The following RAB4B variants were observed in gnomAD, a reference collection of about 807,000 sequenced individuals.
RAB4B encodes RAB4B, member RAS oncogene family.
In RAB4B, 15 loss-of-function variants were observed where a neutral mutation model predicts 28.3. The observed-to-expected ratio is 0.53, with a 90% CI of 0.35 to 0.82. The LOEUF is 0.82. RAB4B is among the 40% of genes least tolerant of loss of function. The pLI is 0.01. For missense variants in RAB4B, 244 were observed against 288.5 expected (o/e 0.85, Z 1.12); for synonymous variants, 108 against 116.3 (o/e 0.93, Z 0.46).
intron 3 of RAB4B, among the ~76,000 whole-genome samples, chr19:40,781,803 C>CCT (rs2083051000): frequency 6.6e-6 from 1 of 151,852 alleles, no homozygotes. Flanking sequence ...GGGCGGATCA[C>CCT]GAGGTCAGGA....
In RAB4B at chr19:40,786,836, C is replaced by T; in HGVS notation, c.527-12C>T. 6.2e-7 allele frequency: 1 copy of T among 1,614,146 alleles called. No homozygotes were observed. Among genetic ancestry groups the T allele is most frequent in the Non-Finnish European group, 8.5e-7 (1 of 1,179,992 alleles). ...CCAGGCAACCAATGCTGACCTCTCC[C>T]CTTCCCCACAGGCGAGCTAGACCCG... On this transcript the variant is annotated splice_polypyrimidine_tract_variant and intron_variant, in intron 6 of 7. Coordinates refer to ENST00000357052, the MANE Select transcript of RAB4B (RefSeq NM_016154.5).
chr19:40,791,772 A>G (rs1038652197), intron 7 of RAB4B, among the ~76,000 whole-genome samples: 1 of 152,032 alleles, frequency 6.6e-6, no homozygotes, highest in African/African-American at 2.4e-5. Context: ...AGCTGGGACT[A>G]TGGGCATGGG....
At chr19:40,790,373 C>A (rs1350473959) in intron 7 of RAB4B, among the ~76,000 whole-genome samples, 4 of 144,246 alleles carry the variant, frequency 2.8e-5, no homozygotes, top group Non-Finnish European at 4.6e-5. Context: ...TTTTTTGGTT[C>A]CTGTCTTTTT....
chr19:40,782,514 A>G (rs1253049225), intron 3 of RAB4B, among the ~76,000 whole-genome samples: 1 of 152,164 alleles, frequency 6.6e-6, no homozygotes, highest in Non-Finnish European at 1.5e-5. Flanking sequence ...AAAAGACAGA[A>G]ATAGGGAATT....
rs75694949 is a variant in RAB4B at position 40,781,645 on chromosome 19, G to C, written c.212+1146G>C. On this transcript the variant is annotated intron_variant, in intron 3 of 7. Transcript: ENST00000357052. ...AGAAATGGACGTGTTGTGGGAGAGA[G>C]AGAGAGAGAAATGCGTAGGGCTCAA... Among the ~76,000 whole-genome samples the C allele has an allele frequency of 5.8e-3, 883 of 152,238 alleles. 5 individuals are homozygous for C. Among genetic ancestry groups the C allele is most frequent in the African/African-American group, 0.02 (823 of 41,542 alleles).
chr19:40,780,221 G>C, intron 2 of RAB4B, 122 bp downstream of exon 2: 1 of 1,488,968 alleles, frequency 6.7e-7, no homozygotes, highest in Non-Finnish European at 9.0e-7. Flanking sequence ...CTGGCTTTTT[G>C]GTCCTTGCTT....
chr19:40,788,429 A>G (rs1027352866), intron 7 of RAB4B, among the ~76,000 whole-genome samples: 6 of 144,240 alleles, frequency 4.2e-5, no homozygotes, highest in African/African-American at 1.3e-4. Flanking sequence ...GGCTGCAGTG[A>G]GCTGTGACCA....
intron 7 of RAB4B, among the ~76,000 whole-genome samples, chr19:40,787,430 G>A (rs1355784615): frequency 1.3e-5 from 2 of 152,060 alleles, no homozygotes; most frequent in Non-Finnish European, 2.9e-5. Context: ...AGCTACTCGG[G>A]AAGTTGAGGC....
chr19:40,779,780 C>A, intron 1 of RAB4B: 1 of 1,047,148 alleles, frequency 9.5e-7, no homozygotes, highest in Non-Finnish European at 1.3e-6. Flanking sequence ...AACCCCTGCA[C>A]ATGTACTCCC....
intron 7 of RAB4B, among the ~76,000 whole-genome samples, chr19:40,794,999 A>AAG (rs1389791252): frequency 2.6e-5 from 2 of 78,180 alleles, no homozygotes; most frequent in Non-Finnish European, 7.0e-5. Flanking sequence ...TAAAAATACA[A>AAG]AAAAAAAAAA....
chr19:40,783,716 A>AG, intron 3 of RAB4B, 62 bp from the exon 4 acceptor site: 1 of 1,469,270 alleles, frequency 6.8e-7, no homozygotes. Flanking sequence ...GTCTCTGTAG[A>AG]GGGGGGCATT....
rs1276441794 is a variant in RAB4B at position 40,778,350 on chromosome 19, C to T, written c.-26C>T. 3.4e-6 allele frequency: 5 copies of T among 1,477,052 alleles called. No homozygotes were observed. Among genetic ancestry groups the T allele is most frequent in the Admixed American group, 2.7e-5 (1 of 36,792 alleles). 91.5% of individuals were successfully genotyped at this position (1,477,052 alleles called of 1,614,324 possible). A position where few individuals can be genotyped will look rare whatever the true frequency, so the allele number is the denominator to read the frequency against. On this transcript the variant is annotated 5_prime_UTR_variant, in exon 1 of 8. Transcript: ENST00000357052. ...CAGGCGCGGCCGCGGCGCCATATTG[C>T]GGCCCTCAGCGGCCGCGACCGAGTC...
Position 40,794,102 on chromosome 19 carries a change from T to A in RAB4B, c.*16-2468T>A, listed in dbSNP as rs2083186094. On this transcript the variant is annotated intron_variant, in intron 7 of 7. Coordinates refer to ENST00000357052, the MANE Select transcript of RAB4B (RefSeq NM_016154.5). ...TTATTATTATTTTTTGAGATGGAGT[T>A]TCGCTTATGTTGCCCAAGCTGGAGT... is the stretch of plus-strand genomic sequence containing the variant. Among the ~76,000 whole-genome samples, 4 of 151,850 alleles carry A rather than the reference T, an allele frequency of 2.6e-5. 1 individual carries two copies. In the South Asian group the frequency reaches 8.3e-4, roughly 32 times the overall value.
At chr19:40,794,305 G>A (rs1049817400) in intron 7 of RAB4B, among the ~76,000 whole-genome samples, 3 of 152,076 alleles carry the variant, frequency 2.0e-5, no homozygotes, top group African/African-American at 7.2e-5. Context: ...TCAAACTCCT[G>A]ACCTCAGGTG....
chr19:40,793,605 C>T (rs566284117), intron 7 of RAB4B, among the ~76,000 whole-genome samples: 34 of 120,366 alleles, frequency 2.8e-4, no homozygotes, highest in African/African-American at 1.1e-3. Flanking sequence ...TAGATATGGT[C>T]TCACTGTGTT....
chr19:40,783,280 A>T (rs1354625563), intron 3 of RAB4B, among the ~76,000 whole-genome samples: 3 of 151,938 alleles, frequency 2.0e-5, no homozygotes, highest in Non-Finnish European at 4.4e-5. Context: ...AAAAATATTA[A>T]GAAATTAGCC....
chr19:40,796,720 C>G lies in RAB4B; in HGVS notation c.*166C>G, dbSNP rs887125433. On this transcript the variant is annotated 3_prime_UTR_variant, in exon 8 of 8. Transcript: ENST00000357052. ...GCCTGGCTTTGGGGCAAGACTGAGCCACGGGGGAAGGGGGAATCCCGTACC... is the reference window on the plus strand; with the variant it reads ...GCCTGGCTTTGGGGCAAGACTGAGCGACGGGGGAAGGGGGAATCCCGTACC... The G allele has an allele frequency of 2.6e-5, 4 of 153,084 alleles. No homozygotes were observed. Among genetic ancestry groups the G allele is most frequent in the Admixed American group, 1.3e-4 (2 of 15,296 alleles). 9.5% of individuals were successfully genotyped at this position (153,084 alleles called of 1,614,324 possible).
intron 5 of RAB4B, chr19:40,786,334 G>T: frequency 2.8e-6 from 1 of 361,596 alleles, no homozygotes. Context: ...GAGGGTTGGG[G>T]CCAGGATGAG....
At chr19:40,785,105 G>A (rs1160046747) in intron 5 of RAB4B, among the ~76,000 whole-genome samples, 5 of 151,894 alleles carry the variant, frequency 3.3e-5, no homozygotes, top group African/African-American at 7.3e-5. Flanking sequence ...GAGACACTGC[G>A]CCCGGTGAAA....
Sources: gnomAD v4.1 joint callset for allele counts (sites outside exome capture counted in the v4.1 genomes callset) on GRCh38, gnomAD v4.1.1 for gene constraint, MANE v1.5 for transcripts, NCBI Gene and HGNC (gene_info 2026-07-23, HGNC 2026-07-21) for gene names.